UQCR11: variants seen among roughly 807,000 people sequenced by gnomAD.
UQCR11 encodes ubiquinol-cytochrome c reductase, complex III subunit XI, also known as cytochrome b-c1 complex subunit 10.
UQCR11 carries 10 observed loss-of-function variants against 7.6 expected under a neutral mutation model. The observed-to-expected ratio is 1.31, with a 90% CI of 0.81 to 2.22. UQCR11 has a LOEUF of 2.22. UQCR11 is among the 30% of genes most tolerant of loss of function. UQCR11 has a pLI of 0.00. For synonymous variants in UQCR11, 34 were observed against 34.9 expected (o/e 0.97, Z 0.09); for missense variants, 86 against 75.1 (o/e 1.15, Z -0.54).
chr19:1,600,298 C>T (rs1449578380), intron 1 of UQCR11, among the ~76,000 whole-genome samples: 3 of 150,494 alleles, frequency 2.0e-5, no homozygotes, highest in African/African-American at 7.3e-5. Flanking sequence ...ACTGCAATCT[C>T]CACCTCCCGG....
At chr19:1,603,429 C>T (rs2060752834) in intron 1 of UQCR11, among the ~76,000 whole-genome samples, 1 of 152,084 alleles carries the variant, frequency 6.6e-6, no homozygotes, top group Non-Finnish European at 1.5e-5. Context: ...GGTGAAACCC[C>T]ATCTCCACTA....
chr19:1,602,222 T>G (rs1010716371), intron 1 of UQCR11: 1 of 151,936 alleles, frequency 6.6e-6, no homozygotes, highest in African/African-American at 2.4e-5. Flanking sequence ...GCTGGGATGT[T>G]GGGGCGGTAG....
chr19:1,601,576 GGTGACA>G (rs1431738077), intron 1 of UQCR11, among the ~76,000 whole-genome samples: 1 of 149,068 alleles, frequency 6.7e-6, no homozygotes, highest in African/African-American at 2.5e-5. Flanking sequence ...ACTCCAGCCT[GGTGACA>G]GAGCGAGACA....
At chr19:1,600,050 A>G (rs1031537146) in intron 1 of UQCR11, among the ~76,000 whole-genome samples, 2 of 152,286 alleles carry the variant, frequency 1.3e-5, no homozygotes, top group East Asian at 3.9e-4. Flanking sequence ...CTTGCCCACC[A>G]CGGCACGTGC....
intron 1 of UQCR11, among the ~76,000 whole-genome samples, chr19:1,601,122 T>C (rs1000438811): frequency 2.6e-5 from 4 of 151,584 alleles, no homozygotes; most frequent in Admixed American, 1.3e-4. Flanking sequence ...TGAGCCAAGA[T>C]TGCACCATTG....
At chr19:1,598,696 C>T (rs887499901) in intron 2 of UQCR11, among the ~76,000 whole-genome samples, 7 of 152,296 alleles carry the variant, frequency 4.6e-5, no homozygotes, top group Admixed American at 2.0e-4. Flanking sequence ...GGCAACAGAG[C>T]GAGACTCCGT....
intron 1 of UQCR11, among the ~76,000 whole-genome samples, chr19:1,599,826 G>A (rs2060742000): frequency 6.6e-6 from 1 of 152,252 alleles, no homozygotes; most frequent in African/African-American, 2.4e-5. Flanking sequence ...GCATGTGTAG[G>A]TGTTTGTAAG....
At chr19:1,601,749 T>A (rs2060747789) in intron 1 of UQCR11, among the ~76,000 whole-genome samples, 1 of 152,202 alleles carries the variant, frequency 6.6e-6, no homozygotes, top group African/African-American at 2.4e-5. Context: ...CCACTGAAAC[T>A]GTGAGATAAG....
intron 2 of UQCR11, 36 bp downstream of exon 2, chr19:1,599,376 C>T: frequency 1.2e-6 from 2 of 1,602,286 alleles, no homozygotes; most frequent in Non-Finnish European, 1.7e-6. Flanking sequence ...ATCCGGCCAT[C>T]ATGCAGTCCA....
At chr19:1,598,627 C>T (rs1296702515) in intron 2 of UQCR11, among the ~76,000 whole-genome samples, 1 of 152,200 alleles carries the variant, frequency 6.6e-6, no homozygotes, top group African/African-American at 2.4e-5. Flanking sequence ...ACAAGAATCG[C>T]TTGAACCTGG....
intron 2 of UQCR11, 70 bp downstream of exon 2, chr19:1,599,342 T>C (rs1012429579): frequency 1.9e-6 from 3 of 1,567,668 alleles, no homozygotes; most frequent in Non-Finnish European, 2.6e-6. Context: ...TCTGGGAGCC[T>C]GGAGAACCCA....
rs957682120 is a variant in UQCR11 at position 1,597,451 on chromosome 19, G to C, written c.*793C>G. 6.6e-6 allele frequency: 1 copy of C among 152,296 alleles called. No individual in the cohort carries two copies. Among genetic ancestry groups the C allele is most frequent in the Non-Finnish European group, 1.5e-5 (1 of 68,108 alleles). 9.4% of individuals were successfully genotyped at this position (152,296 alleles called of 1,614,324 possible). On this transcript the variant is annotated 3_prime_UTR_variant, in exon 3 of 3. Coordinates refer to ENST00000591899, the MANE Select transcript of UQCR11 (RefSeq NM_006830.4). ...TCTGCACGTGGGCTGGGCCTGGGGG[G>C]CTTGCTTTTGATAAACAGGCTGTGG...
chr19:1,605,052 T>C (rs1324050218), intron 1 of UQCR11, among the ~76,000 whole-genome samples: 1 of 152,236 alleles, frequency 6.6e-6, no homozygotes, highest in African/African-American at 2.4e-5. Context: ...CTCGGCACCT[T>C]CTGGGCGCTT....
intron 1 of UQCR11, chr19:1,602,313 G>C (rs1048507810): frequency 3.9e-5 from 6 of 152,212 alleles, no homozygotes; most frequent in African/African-American, 1.4e-4. Flanking sequence ...TCCAAGTGTA[G>C]GCCAGGTGCC....
In UQCR11 at chr19:1,597,346, G is replaced by C. The variant is rs757442467; in HGVS notation, c.*898C>G. 1.3e-5 allele frequency: 2 copies of C among 152,192 alleles called. No homozygotes were observed. Among genetic ancestry groups the C allele is most frequent in the African/African-American group, 2.4e-5 (1 of 41,522 alleles). 9.4% of individuals were successfully genotyped at this position (152,192 alleles called of 1,614,324 possible). On this transcript the variant is annotated 3_prime_UTR_variant, in exon 3 of 3. Transcript: ENST00000591899. ...CACCACTCCCAGCCTGTTCATTTTT[G>C]TATCCCTAATGTGACAGTTTGAAAT...
chr19:1,598,749 G>A (rs758753758), intron 2 of UQCR11, among the ~76,000 whole-genome samples: 9 of 152,342 alleles, frequency 5.9e-5, no homozygotes, highest in African/African-American at 1.4e-4. Flanking sequence ...AGCTGGCTGC[G>A]GAAGTGGCCC....
At chr19:1,601,145 G>C (rs2060746064) in intron 1 of UQCR11, among the ~76,000 whole-genome samples, 1 of 152,014 alleles carries the variant, frequency 6.6e-6, no homozygotes, top group Non-Finnish European at 1.5e-5. Flanking sequence ...CTCTAGCCTG[G>C]GTGACAAAGT....
rs1169322007 is a variant in UQCR11 at position 1,605,379 on chromosome 19, G to T, written c.31C>A (p.Arg11=). The T allele has an allele frequency of 3.2e-6, 5 of 1,578,974 alleles. No individual in the cohort carries two copies. In the East Asian group the frequency reaches 1.2e-4, roughly 39 times the overall value. The change falls in exon 1 of 3, where the codon CGG becomes AGG. Residue 11 remains arginine (R), a synonymous_variant. Coordinates refer to ENST00000591899, the MANE Select transcript of UQCR11 (RefSeq NM_006830.4). MVTRFLGPRY[R]ELVKNWVPTA... The stretch of plus-strand genomic sequence containing the variant: ...CCTCACCAGTTCTTGACCAGCTCCC[G>T]GTAGCGTGGGCCCAGGAACCGGGTC...
intron 1 of UQCR11, among the ~76,000 whole-genome samples, chr19:1,600,309 G>T (rs1276692982): frequency 1.3e-5 from 2 of 151,604 alleles, no homozygotes; most frequent in East Asian, 3.9e-4. Context: ...CACCTCCCGG[G>T]TTCAAGCAAT....
Sources: gnomAD v4.1 joint callset for allele counts (sites outside exome capture counted in the v4.1 genomes callset) on GRCh38, gnomAD v4.1.1 for gene constraint, MANE v1.5 for transcripts, NCBI Gene and HGNC (gene_info 2026-07-23, HGNC 2026-07-21) for gene names.